Variants in CDH13 observed in about 807,000 individuals in gnomAD.
The protein encoded by CDH13 is cadherin-13.
Under a neutral mutation model 63.8 loss-of-function variants are expected in CDH13, and 24 were observed. The observed-to-expected ratio is 0.38, with a 90% CI of 0.27 to 0.53. The LOEUF (loss-of-function observed/expected upper bound fraction) is 0.53. Ranked by LOEUF, CDH13 falls within the 20% of genes least tolerant of loss-of-function variation. The probability of loss-of-function intolerance (pLI) is 0.85; values close to 1 mark genes in which losing one functional copy is unlikely to be tolerated. For missense variants in CDH13, 1,049 were observed against 903.1 expected (o/e 1.16, Z -2.07); for synonymous variants, 503 against 355.3 (o/e 1.42, Z -4.67).
intron 1 of CDH13, among the ~76,000 whole-genome samples, chr16:82,782,082 C>T (rs957964669): frequency 3.3e-5 from 5 of 152,138 alleles, no homozygotes; most frequent in African/African-American, 9.7e-5. Flanking sequence ...GAAGTTCCTC[C>T]TAAAGTGCCC....
Position 83,426,335 on chromosome 16 carries a change from A to G in CDH13, c.782-60142A>G, listed in dbSNP as rs931307298. Among the ~76,000 whole-genome samples, 5 of 152,104 alleles carry G rather than the reference A, an allele frequency of 3.3e-5. No homozygotes were observed. In the East Asian group the frequency reaches 7.7e-4, roughly 23 times the overall value. ...CAGTTTCTTGGTTTTCATTATTCCA[A>G]TAATGTTTCTCTCCCCCTCATTTGA... On this transcript the variant is annotated intron_variant, in intron 6 of 13. Transcript: ENST00000567109.
rs540137080 is a variant in CDH13 at position 82,896,228 on chromosome 16, C to T, written c.157+37755C>T. Among the ~76,000 whole-genome samples, 5 of 144,910 alleles carry T rather than the reference C, an allele frequency of 3.5e-5. No homozygotes were observed. In the East Asian group the frequency reaches 8.5e-4, roughly 25 times the overall value. On this transcript the variant is annotated intron_variant, in intron 2 of 13. Coordinates refer to ENST00000567109, the MANE Select transcript of CDH13 (RefSeq NM_001257.5). ...CAGCACTTCTTACAACACTGCCAGG[C>T]ATATTGCAGATTGAGATAGTCTGAG... is the stretch of plus-strand genomic sequence containing the variant.
chr16:83,495,121 A>C (rs922603312), intron 7 of CDH13, among the ~76,000 whole-genome samples: 1 of 152,198 alleles, frequency 6.6e-6, no homozygotes, highest in Non-Finnish European at 1.5e-5. Flanking sequence ...TCTGAACCAA[A>C]TATGAGTGAC....
chr16:83,659,236 C>G (rs1598427494), intron 8 of CDH13, among the ~76,000 whole-genome samples: 1 of 148,290 alleles, frequency 6.7e-6, no homozygotes, highest in Non-Finnish European at 1.5e-5. Context: ...CAGCAAGGTC[C>G]CATGTCCTCA....
At chr16:83,769,052 C>A (rs1329048688) in intron 11 of CDH13, among the ~76,000 whole-genome samples, 1 of 152,152 alleles carries the variant, frequency 6.6e-6, no homozygotes, top group Non-Finnish European at 1.5e-5. Context: ...GGGAGGGAAC[C>A]TCAAAGCCAT....
chr16:83,055,983 G>T (rs1474842543), intron 3 of CDH13, among the ~76,000 whole-genome samples: 4 of 152,078 alleles, frequency 2.6e-5, no homozygotes, highest in Admixed American at 2.6e-4. Context: ...TCTAGGACAT[G>T]TTAACAACTC....
chr16:83,042,557 A>C (rs776512104), intron 3 of CDH13, among the ~76,000 whole-genome samples: 1 of 152,254 alleles, frequency 6.6e-6, no homozygotes, highest in Non-Finnish European at 1.5e-5. Context: ...AATAATAGAA[A>C]TAAAGTGCAT....
intron 7 of CDH13, among the ~76,000 whole-genome samples, chr16:83,586,573 A>G (rs1277836661): frequency 1.3e-5 from 2 of 152,230 alleles, no homozygotes; most frequent in African/African-American, 4.8e-5. Flanking sequence ...TGCTCTGCTA[A>G]CGATCCAGGC....
chr16:83,258,590 C>G (rs1423425940), intron 5 of CDH13, among the ~76,000 whole-genome samples: 1 of 152,134 alleles, frequency 6.6e-6, no homozygotes, highest in African/African-American at 2.4e-5. Context: ...GCACTGCGGA[C>G]CATTGGCACT....
chr16:83,324,070 C>T (rs2090302937), intron 5 of CDH13, among the ~76,000 whole-genome samples: 2 of 144,710 alleles, frequency 1.4e-5, no homozygotes, highest in Non-Finnish European at 1.5e-5. Context: ...TGGAGTCTCA[C>T]TCTGTTACCC....
intron 7 of CDH13, among the ~76,000 whole-genome samples, chr16:83,567,718 C>G (rs1253066411): frequency 1.3e-5 from 2 of 152,174 alleles, no homozygotes; most frequent in Non-Finnish European, 2.9e-5. Context: ...GTCTCAGCCT[C>G]CTGAATAGCT....
At chr16:83,302,189 A>G (rs568865340) in intron 5 of CDH13, among the ~76,000 whole-genome samples, 4 of 152,360 alleles carry the variant, frequency 2.6e-5, no homozygotes, top group African/African-American at 9.6e-5. Context: ...ATGACATCAT[A>G]GAAAATGTGC....
At chr16:83,140,368 A>G (rs2036479052) in intron 4 of CDH13, among the ~76,000 whole-genome samples, 2 of 152,350 alleles carry the variant, frequency 1.3e-5, no homozygotes, top group South Asian at 4.1e-4. Context: ...GCTATGGCCA[A>G]CACTGAGTTT....
At chr16:83,612,053 A>C (rs1003072195) in intron 8 of CDH13, among the ~76,000 whole-genome samples, 2 of 152,014 alleles carry the variant, frequency 1.3e-5, no homozygotes, top group Non-Finnish European at 2.9e-5. Context: ...TTGTTGTTCA[A>C]ACCTTCTATA....
chr16:83,405,011 C>G (rs776960170), intron 6 of CDH13, among the ~76,000 whole-genome samples: 26 of 150,472 alleles, frequency 1.7e-4, no homozygotes, highest in Non-Finnish European at 3.0e-4. Flanking sequence ...ACCAAGTTAA[C>G]ATTTTTTTAG....
intron 8 of CDH13, among the ~76,000 whole-genome samples, chr16:83,633,225 C>T (rs1198076538): frequency 4.0e-5 from 6 of 151,794 alleles, no homozygotes; most frequent in African/African-American, 9.7e-5. Flanking sequence ...AGGTCTCAGC[C>T]TTATTTTACC....
At chr16:82,821,697 C>T (rs1333062242) in intron 1 of CDH13, among the ~76,000 whole-genome samples, 2 of 152,354 alleles carry the variant, frequency 1.3e-5, no homozygotes, top group East Asian at 3.9e-4. Context: ...ATTCCCTGAC[C>T]TTAAACAATA....
rs141598910 is a variant in CDH13, at chr16:83,222,003, G to T, written c.636+4506G>T. On this transcript the variant is annotated intron_variant, in intron 5 of 13. Transcript: ENST00000567109. Reference sequence around the variant, plus strand: ...GATGTATTTTTACTATTAATGTTGGGGTGAACATGTCTTGAACATTTACAG... The same window carrying T: ...GATGTATTTTTACTATTAATGTTGGTGTGAACATGTCTTGAACATTTACAG... 7.9e-4 allele frequency among the ~76,000 whole-genome samples: 120 copies of T among 152,238 alleles called. 1 individual carries two copies. The highest frequency in any genetic ancestry group is 2.8e-3 in the African/African-American group (115 of 41,530).
At chr16:82,947,745 T>C (rs752665399) in intron 2 of CDH13, among the ~76,000 whole-genome samples, 5 of 152,336 alleles carry the variant, frequency 3.3e-5, no homozygotes, top group Non-Finnish European at 5.9e-5. Context: ...ATTATTTTGA[T>C]GTTACTTTCC....
Sources: gnomAD v4.1 joint callset for allele counts (sites outside exome capture counted in the v4.1 genomes callset) on GRCh38, gnomAD v4.1.1 for gene constraint, MANE v1.5 for transcripts, NCBI Gene and HGNC (gene_info 2026-07-23, HGNC 2026-07-21) for gene names.